Variants in FGF12 observed in about 807,000 individuals in gnomAD.
FGF12 encodes the protein fibroblast growth factor 12.
A neutral mutation model predicts 23.6 loss-of-function variants in FGF12; 14 were observed. The ratio of observed to expected loss-of-function variants is 0.59; its 90% CI spans 0.39 to 0.93. The LOEUF is 0.93. Ranked by LOEUF, FGF12 falls within the 40% of genes least tolerant of loss-of-function variation. The pLI is 0.00. For synonymous variants in FGF12, 62 were observed against 77.3 expected (o/e 0.80, Z 1.04); for missense variants, 175 against 217.8 (o/e 0.80, Z 1.24).
intron 4 of FGF12, among the ~76,000 whole-genome samples, chr3:192,175,405 G>A (rs1715804932): frequency 6.6e-6 from 1 of 152,142 alleles, no homozygotes; most frequent in Admixed American, 6.5e-5. Context: ...GAAATCTGCT[G>A]AAATAGAAAC....
chr3:192,217,821 CT>C (rs1000466136), intron 4 of FGF12, among the ~76,000 whole-genome samples: 2 of 151,766 alleles, frequency 1.3e-5, no homozygotes, highest in East Asian at 1.9e-4. Flanking sequence ...TGTCACTTTT[CT>C]TTTTTTCTTT....
At chr3:192,518,912 C>G (rs1161947003) in intron 2 of FGF12, among the ~76,000 whole-genome samples, 1 of 151,628 alleles carries the variant, frequency 6.6e-6, no homozygotes, top group Non-Finnish European at 1.5e-5. Context: ...CTTCCTCCTT[C>G]TCCTTCTCTT....
Position 192,335,383 on chromosome 3 carries a change from C to A in FGF12, c.206G>T (p.Gly69Val). ...TACTGAACTGTAGAGATAGCCTTCA[C>A]CATTCATGGCCACATAGAGGCTAGC... Reference protein sequence around the residue: ...VKASLYVAMNGEGYLYSSDVF... With the variant: ...VKASLYVAMNVEGYLYSSDVF... The change falls in exon 4 of 6, where the codon GGT becomes GTT. Residue 69 changes from glycine (G) to valine (V), a missense_variant. Physicochemically the swap from Gly to Val is moderately radical, Grantham distance 109 (BLOSUM62 -3). Coordinates refer to ENST00000445105, the MANE Select transcript of FGF12 (RefSeq NM_004113.6). The A allele has an allele frequency of 6.2e-7, 1 of 1,612,354 alleles. No individual in the cohort carries two copies. The highest frequency in any genetic ancestry group is 1.1e-5 in the South Asian group (1 of 91,056).
intron 2 of FGF12, among the ~76,000 whole-genome samples, chr3:192,578,097 CA>C (rs1712986899): frequency 6.6e-6 from 1 of 152,016 alleles, no homozygotes; most frequent in Non-Finnish European, 1.5e-5. Flanking sequence ...TCTATGGCAA[CA>C]AAAAATATTT....
chr3:192,672,185 A>G lies in FGF12; in HGVS notation c.13+54996T>C, dbSNP rs1366119494. On this transcript the variant is annotated intron_variant, in intron 2 of 5. Coordinates refer to ENST00000445105, the MANE Select transcript of FGF12 (RefSeq NM_004113.6). ...TTTCATAGAATCTCATAGTTGTGAG[A>G]AGAGCCTGGGGTGGGTAGGAGTGGG... is the stretch of plus-strand genomic sequence containing the variant. Among the ~76,000 whole-genome samples the G allele has an allele frequency of 7.8e-5, 11 of 140,524 alleles. 1 individual carries two copies. Among genetic ancestry groups the G allele is most frequent in the African/African-American group, 2.7e-4 (11 of 40,534 alleles). 92.2% of individuals were successfully genotyped at this position (140,524 alleles called of 152,430 possible).
At chr3:192,582,057 C>T (rs1713179491) in intron 2 of FGF12, among the ~76,000 whole-genome samples, 1 of 152,148 alleles carries the variant, frequency 6.6e-6, no homozygotes. Context: ...TCTTTCCAAA[C>T]TCTTGATATA....
intron 2 of FGF12, among the ~76,000 whole-genome samples, chr3:192,640,660 TA>T (rs1212038638): frequency 6.6e-6 from 1 of 152,210 alleles, no homozygotes; most frequent in Admixed American, 6.5e-5. Context: ...AGTAAATAAA[TA>T]AAAATTTTGG....
In FGF12 at chr3:192,727,167, G is replaced by A. The variant is rs1337625922; in HGVS notation, c.13+14C>T. The A allele has an allele frequency of 6.3e-7, 1 of 1,576,260 alleles. No homozygotes were observed. The highest frequency in any genetic ancestry group is 1.2e-5 in the South Asian group (1 of 85,332). On this transcript the variant is annotated intron_variant, in intron 2 of 5. Coordinates refer to ENST00000445105, the MANE Select transcript of FGF12 (RefSeq NM_004113.6). ...CATGCAGCGGGAAGTCCCCCGATAG[G>A]GACAACCACATACCTTTGCTCTCCA...
At chr3:192,280,589 A>G (rs188902457) in intron 4 of FGF12, among the ~76,000 whole-genome samples, 1 of 152,126 alleles carries the variant, frequency 6.6e-6, no homozygotes, top group Non-Finnish European at 1.5e-5. Context: ...TATGTGCAAA[A>G]TACTGCTCTG....
At chr3:192,612,903 C>G (rs1006850056) in intron 2 of FGF12, among the ~76,000 whole-genome samples, 3 of 151,846 alleles carry the variant, frequency 2.0e-5, no homozygotes, top group Non-Finnish European at 2.9e-5. Context: ...ATTGGCATAA[C>G]TCTTCTGAGT....
At position 192,645,682 on chromosome 3, in the gene FGF12, G is replaced by A. The variant is rs931680549; in HGVS notation, c.13+81499C>T. Among the ~76,000 whole-genome samples, 5 of 140,772 alleles carry A rather than the reference G, an allele frequency of 3.6e-5. No homozygotes were observed. In the East Asian group the frequency reaches 9.2e-4, roughly 26 times the overall value. 92.4% of individuals were successfully genotyped at this position (140,772 alleles called of 152,430 possible). A position where few individuals can be genotyped will look rare whatever the true frequency, so the allele number is the denominator to read the frequency against. On this transcript the variant is annotated intron_variant, in intron 2 of 5. Transcript: ENST00000445105. ...GTACAGGTGGTAATTAAAGTCAAAT[G>A]TTTGTTCTACAAATATTTACTGAAT... is the stretch of plus-strand genomic sequence containing the variant.
chr3:192,397,478 C>G (rs1720573618), intron 2 of FGF12, among the ~76,000 whole-genome samples: 1 of 152,174 alleles, frequency 6.6e-6, no homozygotes, highest in Non-Finnish European at 1.5e-5. Context: ...CTCTTCTTCT[C>G]CTAGCTAGAG....
intron 3 of FGF12, among the ~76,000 whole-genome samples, chr3:192,347,466 T>C (rs892106904): frequency 6.6e-6 from 1 of 152,148 alleles, no homozygotes; most frequent in Non-Finnish European, 1.5e-5. Context: ...AAAACAAAGA[T>C]TTTGGAGCCA....
chr3:192,410,216 G>A (rs1721153474), intron 2 of FGF12, among the ~76,000 whole-genome samples: 1 of 152,206 alleles, frequency 6.6e-6, no homozygotes, highest in Non-Finnish European at 1.5e-5. Flanking sequence ...CTCTAGTCAG[G>A]TTCCCTTTCC....
intron 5 of FGF12, among the ~76,000 whole-genome samples, chr3:192,158,658 T>G: frequency 3.1e-5 from 1 of 32,562 alleles, no homozygotes. Flanking sequence ...CCTCCCTCCC[T>G]TCCTTCCCTC....
intron 2 of FGF12, among the ~76,000 whole-genome samples, chr3:192,422,744 A>G (rs1721572623): frequency 6.6e-6 from 1 of 152,218 alleles, no homozygotes; most frequent in Non-Finnish European, 1.5e-5. Flanking sequence ...GGCTAAGGTT[A>G]TACAGCTGTC....
At chr3:192,244,688 G>A (rs1719793618) in intron 4 of FGF12, 1 of 152,182 alleles carries the variant, frequency 6.6e-6, no homozygotes, top group Admixed American at 6.5e-5. Flanking sequence ...CAAAATAGTT[G>A]ACAAAAGATT....
intron 4 of FGF12, chr3:192,238,610 G>A (rs1478582414): frequency 6.6e-6 from 1 of 151,944 alleles, no homozygotes; most frequent in African/African-American, 2.4e-5. Flanking sequence ...TATTTTATTT[G>A]ATGTGCCACT....
chr3:192,570,887 A>C (rs1164620447), intron 2 of FGF12, among the ~76,000 whole-genome samples: 4 of 152,232 alleles, frequency 2.6e-5, no homozygotes, highest in African/African-American at 9.6e-5. Context: ...AACTATTCTA[A>C]GCTGGAAGCT....
Sources: allele counts gnomAD v4.1 joint callset (sites outside exome capture counted in the v4.1 genomes callset), GRCh38; gene constraint gnomAD v4.1.1; transcripts MANE v1.5; gene names NCBI Gene and HGNC (gene_info 2026-07-23, HGNC 2026-07-21).